ALDH7A1: variants seen among roughly 807,000 people sequenced by gnomAD.
ALDH7A1 encodes the protein aldehyde dehydrogenase 7 family member A1.
ALDH7A1 carries 63 observed loss-of-function variants against 79.9 expected under a neutral mutation model. That is an observed-to-expected ratio of 0.79 (90% CI 0.64 to 0.97). The LOEUF (loss-of-function observed/expected upper bound fraction) is 0.97. ALDH7A1 is among the 50% of genes least tolerant of loss of function. The probability of loss-of-function intolerance (pLI) is 0.00; values close to 1 mark genes in which losing one functional copy is unlikely to be tolerated. For synonymous variants in ALDH7A1, 240 were observed against 231.2 expected (o/e 1.04, Z -0.34); for missense variants, 627 against 665.2 (o/e 0.94, Z 0.63).
chr5:126,564,344 C>T, intron 9 of ALDH7A1: 1 of 349,342 alleles, frequency 2.9e-6, no homozygotes, highest in South Asian at 1.5e-4. Flanking sequence ...ATGGGAGTTT[C>T]ACCATGTAGC....
Position 126,568,519 on chromosome 5 carries a change from A to G in ALDH7A1, c.774-163T>C, listed in dbSNP as rs554993659. On this transcript the variant is annotated intron_variant, in intron 8 of 17. Coordinates refer to ENST00000409134, the MANE Select transcript of ALDH7A1 (RefSeq NM_001182.5). ...GGAAGGTCTTCATGAGAAGGAAAAA[A>G]GTTTTTCACAGGTAGAACCATTAGG... 1.5e-5 allele frequency: 10 copies of G among 668,282 alleles called. 1 individual carries two copies. Among genetic ancestry groups the G allele is most frequent in the African/African-American group, 1.1e-4 (6 of 56,164 alleles). The allele number at this position is 668,282 out of a possible 1,614,324, so 41.4% of individuals were successfully genotyped here.
chr5:126,573,116 CAAAAAAA>C (rs11290126), intron 7 of ALDH7A1, among the ~76,000 whole-genome samples: 1 of 95,210 alleles, frequency 1.1e-5, no homozygotes, highest in Non-Finnish European at 2.1e-5. Context: ...CCATTTAAAG[CAAAAAAA>C]AAAAAAAAAA....
intron 6 of ALDH7A1, among the ~76,000 whole-genome samples, chr5:126,576,070 G>A (rs1010564923): frequency 2.0e-5 from 3 of 151,942 alleles, no homozygotes; most frequent in African/African-American, 7.3e-5. Flanking sequence ...GACCATCCTG[G>A]CTAACACAGT....
Position 126,555,931 on chromosome 5 carries a change from G to T in ALDH7A1, c.1093C>A (p.Pro365Thr). 1 of 1,610,228 alleles carries T rather than the reference G, an allele frequency of 6.2e-7. No individual in the cohort carries two copies. The highest frequency in any genetic ancestry group is 1.1e-5 in the South Asian group (1 of 91,002). ...AQIRVGNPWD[P>T]NVLYGPLHTK... ...TTTGAAAGCAGAAGGAGATACTCAC[G>T]GTCCCATGGGTTCCCAACTCGGATC... The change falls in exon 12 of 18, where the codon CCT becomes ACT. Residue 365 changes from proline to threonine, a missense_variant and splice_region_variant. Physicochemically the swap from Pro to Thr is conservative, Grantham distance 38. Transcript: ENST00000409134.
intron 16 of ALDH7A1, among the ~76,000 whole-genome samples, chr5:126,546,834 T>C (rs1372917732): frequency 6.6e-6 from 1 of 152,142 alleles, no homozygotes; most frequent in African/African-American, 2.4e-5. Flanking sequence ...AACACAAATA[T>C]TCCCATTTGA....
intron 11 of ALDH7A1, among the ~76,000 whole-genome samples, chr5:126,557,547 T>C (rs1297796660): frequency 6.6e-6 from 1 of 150,600 alleles, no homozygotes; most frequent in Non-Finnish European, 1.5e-5. Flanking sequence ...GATCACACCA[T>C]TGCACTCCAG....
At chr5:126,566,464 G>T (rs1750587832) in intron 9 of ALDH7A1, among the ~76,000 whole-genome samples, 1 of 152,072 alleles carries the variant, frequency 6.6e-6, no homozygotes, top group African/African-American at 2.4e-5. Flanking sequence ...TTCATTAGCT[G>T]TTTTTTAATA....
chr5:126,580,549 T>C (rs1484938117), intron 5 of ALDH7A1, among the ~76,000 whole-genome samples: 2 of 152,166 alleles, frequency 1.3e-5, no homozygotes, highest in African/African-American at 4.8e-5. Flanking sequence ...TTTCTACAAG[T>C]AGGGAATTTA....
In ALDH7A1 at chr5:126,568,295, C is replaced by T; in HGVS notation, c.835G>A (p.Gly279Arg). The T allele has an allele frequency of 1.9e-6, 3 of 1,614,150 alleles. No homozygotes were observed. The highest frequency in any genetic ancestry group is 2.5e-6 in the Non-Finnish European group (3 of 1,180,010). Residue 279 changes from glycine (G) to arginine (R), a missense_variant, in exon 9 of 18, where the codon GGA (glycine) becomes AGA (arginine). By Grantham distance (125) the Gly-to-Arg change is moderately radical (BLOSUM62 -2). Transcript: ENST00000409134. ...LLSFTGSTQV[G>R]KQVGLMVQER... ...TGCACCATCAGGCCCACCTGTTTTC[C>T]CACCTGAGTGCTCCCAGTGAAGGAC...
chr5:126,580,605 A>AT (rs35109136), intron 5 of ALDH7A1, among the ~76,000 whole-genome samples: 20,329 of 152,146 alleles, frequency 0.13, 1,683 homozygotes, highest in African/African-American at 0.23. Flanking sequence ...TTTAAAAAAT[A>AT]TTATTTCCTT....
chr5:126,575,291 G>A, intron 7 of ALDH7A1, 129 bp downstream of exon 7: 1 of 787,052 alleles, frequency 1.3e-6, no homozygotes, highest in South Asian at 1.7e-5. Context: ...AATATTACAA[G>A]CAAAGGAGAA....
chr5:126,573,866 T>A (rs1265525265), intron 7 of ALDH7A1, among the ~76,000 whole-genome samples: 1 of 130,200 alleles, frequency 7.7e-6, no homozygotes, highest in Non-Finnish European at 1.7e-5. Flanking sequence ...GACTCTGTCT[T>A]TAAAAAAAAA....
At chr5:126,556,110 T>C in intron 11 of ALDH7A1, 95 bp from the exon 12 acceptor site, 2 of 689,970 alleles carry the variant, frequency 2.9e-6, no homozygotes, top group Non-Finnish European at 4.8e-6. Context: ...AATACTGTAA[T>C]CTCTAAAAAT....
intron 3 of ALDH7A1, chr5:126,586,222 T>C (rs1471949358): frequency 6.6e-6 from 1 of 152,260 alleles, no homozygotes; most frequent in Non-Finnish European, 1.5e-5. Context: ...TCACAACATA[T>C]GCACACTTTT....
chr5:126,545,370 G>A (rs1656489305), intron 17 of ALDH7A1, among the ~76,000 whole-genome samples: 2 of 151,854 alleles, frequency 1.3e-5, no homozygotes, highest in Non-Finnish European at 1.5e-5. Flanking sequence ...CGCCTCCCAG[G>A]CTCAAGCGAT....
In ALDH7A1 at chr5:126,593,401, T is replaced by C. The variant is rs1203790231; in HGVS notation, c.196A>G (p.Ile66Val). The part of the protein sequence containing the change: ...NGSWGGRGEV[I>V]TTYCPANNEP... ...TTGTTAGCAGGGCAATAGGTCGTAA[T>C]AACCTTAAAACAAAAGGATGATGAT... The change falls in exon 2 of 18, where the codon ATT becomes GTT. Residue 66 changes from isoleucine to valine, a missense_variant. By Grantham distance (29) the Ile-to-Val change is conservative. Coordinates refer to ENST00000409134, the MANE Select transcript of ALDH7A1 (RefSeq NM_001182.5). 3 of 1,613,536 alleles carry C rather than the reference T, an allele frequency of 1.9e-6. No individual in the cohort carries two copies. The highest frequency in any genetic ancestry group is 1.7e-5 in the Admixed American group (1 of 59,934).
At chr5:126,548,702 C>A (rs1170552881) in intron 16 of ALDH7A1, among the ~76,000 whole-genome samples, 1 of 151,968 alleles carries the variant, frequency 6.6e-6, no homozygotes, top group African/African-American at 2.4e-5. Flanking sequence ...GCCAGGATTT[C>A]AGGTGTAAGC....
At position 126,541,941 on chromosome 5, in the gene ALDH7A1, T is replaced by C. The variant is rs935747593; in HGVS notation, c.*3024A>G. 4 of 134,714 alleles carry C rather than the reference T, an allele frequency of 3.0e-5. No homozygotes were observed. Among genetic ancestry groups the C allele is most frequent in the Non-Finnish European group, 4.7e-5 (3 of 64,440 alleles). 8.3% of individuals were successfully genotyped at this position (134,714 alleles called of 1,614,324 possible). ...AATGGATTAAAGACAAAAATGTCAA[T>C]AAAACATTTGTGGACCTTTCCAATA... On this transcript the variant is annotated 3_prime_UTR_variant, in exon 18 of 18. Coordinates refer to ENST00000409134, the MANE Select transcript of ALDH7A1 (RefSeq NM_001182.5).
chr5:126,547,042 C>A (rs954157987), intron 16 of ALDH7A1, among the ~76,000 whole-genome samples: 1 of 152,156 alleles, frequency 6.6e-6, no homozygotes, highest in Non-Finnish European at 1.5e-5. Context: ...GAATGGGAAG[C>A]CAGCAAAAAG....
Sources: allele counts gnomAD v4.1 joint callset (sites outside exome capture counted in the v4.1 genomes callset), GRCh38; gene constraint gnomAD v4.1.1; transcripts MANE v1.5; gene names NCBI Gene and HGNC (gene_info 2026-07-23, HGNC 2026-07-21).